Variants in ROBO1 observed in about 807,000 individuals in gnomAD.
ROBO1 encodes the protein roundabout homolog 1.
In ROBO1, 149 loss-of-function variants were observed where a neutral mutation model predicts 195.9. The ratio of observed to expected loss-of-function variants is 0.76; its 90% confidence interval spans 0.67 to 0.87. ROBO1 has a LOEUF of 0.87. Among genes scored for constraint, ROBO1 ranks in the 40% least tolerant of loss-of-function variants. The pLI is 0.00. For synonymous variants in ROBO1, 816 were observed against 733.2 expected (o/e 1.11, Z -1.82); for missense variants, 1,933 against 2,068.3 (o/e 0.93, Z 1.27).
At chr3:79,547,918 T>C (rs1046275230) in intron 2 of ROBO1, among the ~76,000 whole-genome samples, 3 of 152,188 alleles carry the variant, frequency 2.0e-5, no homozygotes, top group Non-Finnish European at 4.4e-5. Context: ...TGCCACATGA[T>C]GTGACTTATT....
chr3:79,383,985 A>G (rs2036654210), intron 2 of ROBO1, among the ~76,000 whole-genome samples: 1 of 152,004 alleles, frequency 6.6e-6, no homozygotes. Context: ...ATAATTAACT[A>G]TTGGTTAATT....
intron 14 of ROBO1, among the ~76,000 whole-genome samples, chr3:78,667,465 G>A (rs1233487011): frequency 6.6e-6 from 1 of 151,646 alleles, no homozygotes; most frequent in Non-Finnish European, 1.5e-5. Context: ...ATTATTGACT[G>A]CAGTCACCTT....
chr3:79,032,192 C>A lies in ROBO1; in HGVS notation c.172+93264G>T, dbSNP rs573046909. On this transcript the variant is annotated intron_variant, in intron 3 of 30. Coordinates refer to ENST00000464233, the MANE Select transcript of ROBO1 (RefSeq NM_002941.4). ...GTCCAGACATTCCCTGACCTTATAA[C>A]AACGATATGTATTGAGCAAATTATT... 2.6e-5 allele frequency among the ~76,000 whole-genome samples: 4 copies of A among 152,054 alleles called. No individual in the cohort carries two copies. The South Asian group carries it at 8.3e-4, about 32-fold the overall frequency.
At chr3:79,176,830 C>T (rs1254484291) in intron 2 of ROBO1, among the ~76,000 whole-genome samples, 4 of 152,128 alleles carry the variant, frequency 2.6e-5, no homozygotes, top group African/African-American at 9.7e-5. Context: ...TTTTAAGATT[C>T]ACCTAAAAAT....
intron 4 of ROBO1, among the ~76,000 whole-genome samples, chr3:78,789,988 A>C (rs1043913710): frequency 8.5e-5 from 13 of 152,190 alleles, no homozygotes; most frequent in Non-Finnish European, 1.9e-4. Context: ...GCAAACTTAC[A>C]GCTTTTTTAA....
chr3:79,701,970 A>C (rs1393341160), intron 1 of ROBO1, among the ~76,000 whole-genome samples: 2 of 151,922 alleles, frequency 1.3e-5, no homozygotes, highest in South Asian at 2.1e-4. Context: ...TATAAAGTAG[A>C]CTATATATCT....
chr3:78,674,112 A>T (rs1186227506), intron 10 of ROBO1, among the ~76,000 whole-genome samples: 1 of 152,152 alleles, frequency 6.6e-6, no homozygotes, highest in Non-Finnish European at 1.5e-5. Context: ...TTTATACATT[A>T]TGTAGTAATC....
intron 1 of ROBO1, among the ~76,000 whole-genome samples, chr3:79,746,711 T>C (rs1703891515): frequency 6.6e-6 from 1 of 152,052 alleles, no homozygotes; most frequent in Admixed American, 6.5e-5. Flanking sequence ...ACTTCATTTG[T>C]AAGTTTTATG....
chr3:79,232,791 G>A (rs2082343469), intron 2 of ROBO1, among the ~76,000 whole-genome samples: 2 of 152,120 alleles, frequency 1.3e-5, no homozygotes, highest in East Asian at 3.8e-4. Context: ...AAGACAAGGA[G>A]AATCTGAAAA....
At chr3:78,819,191 TTCTTA>T (rs1420999865) in intron 4 of ROBO1, among the ~76,000 whole-genome samples, 4 of 152,296 alleles carry the variant, frequency 2.6e-5, no homozygotes, top group South Asian at 2.1e-4. Context: ...CATCTCTTGA[TTCTTA>T]TCTTGTGTTT....
At chr3:79,109,280 C>T (rs187369290) in intron 3 of ROBO1, among the ~76,000 whole-genome samples, 2 of 151,776 alleles carry the variant, frequency 1.3e-5, no homozygotes, top group East Asian at 1.9e-4. Flanking sequence ...ACACAGTATG[C>T]TGTATTATAT....
chr3:79,205,297 A>G (rs746247019), intron 2 of ROBO1, among the ~76,000 whole-genome samples: 5 of 152,070 alleles, frequency 3.3e-5, no homozygotes, highest in Non-Finnish European at 5.9e-5. Context: ...TCCGGCCTCT[A>G]GAGGATAAAT....
At chr3:78,868,875 A>C (rs1361970436) in intron 4 of ROBO1, among the ~76,000 whole-genome samples, 2 of 152,184 alleles carry the variant, frequency 1.3e-5, no homozygotes, top group African/African-American at 4.8e-5. Flanking sequence ...TTAAATATGT[A>C]ACCTGTTATT....
intron 3 of ROBO1, among the ~76,000 whole-genome samples, chr3:79,056,991 G>A (rs559900228): frequency 8.5e-5 from 13 of 152,122 alleles, no homozygotes; most frequent in East Asian, 7.8e-4. Flanking sequence ...AGTTCAAGCC[G>A]CCTTTCAACA....
chr3:79,651,794 C>T (rs770052547), intron 1 of ROBO1, among the ~76,000 whole-genome samples: 19 of 152,120 alleles, frequency 1.2e-4, no homozygotes, highest in Non-Finnish European at 1.8e-4. Flanking sequence ...CATTCTTCTT[C>T]TATTTGTGCA....
At chr3:78,947,397 A>C (rs748463024) in intron 3 of ROBO1, among the ~76,000 whole-genome samples, 3 of 152,232 alleles carry the variant, frequency 2.0e-5, no homozygotes, top group Non-Finnish European at 2.9e-5. Flanking sequence ...CTACATGGAA[A>C]CTGAAATACC....
intron 1 of ROBO1, among the ~76,000 whole-genome samples, chr3:79,705,655 T>C (rs1347737023): frequency 6.6e-6 from 1 of 152,102 alleles, no homozygotes; most frequent in East Asian, 1.9e-4. Context: ...TAGTGTTGGC[T>C]ATGCTAGGTC....
intron 2 of ROBO1, among the ~76,000 whole-genome samples, chr3:79,244,246 C>T (rs1255975891): frequency 6.6e-6 from 1 of 152,052 alleles, no homozygotes; most frequent in Non-Finnish European, 1.5e-5. Context: ...TAGCTCTCTC[C>T]TCCCCCTCTG....
At chr3:79,231,043 TCCTTACA>T (rs2082310453) in intron 2 of ROBO1, among the ~76,000 whole-genome samples, 1 of 152,096 alleles carries the variant, frequency 6.6e-6, no homozygotes, top group Non-Finnish European at 1.5e-5. Context: ...CTGGACCCCT[TCCTTACA>T]CCCTACACAA....
Sources: allele counts gnomAD v4.1 joint callset (sites outside exome capture counted in the v4.1 genomes callset), GRCh38; gene constraint gnomAD v4.1.1; transcripts MANE v1.5; gene names NCBI Gene and HGNC (gene_info 2026-07-23, HGNC 2026-07-21).